PCDHA1: variants seen among roughly 807,000 people sequenced by gnomAD.
PCDHA1 encodes protocadherin alpha 1, also known as protocadherin alpha-1.
Under a neutral mutation model 61.3 loss-of-function variants are expected in PCDHA1, and 42 were observed. That is an observed-to-expected ratio of 0.69 (90% CI 0.54 to 0.89). The LOEUF (loss-of-function observed/expected upper bound fraction) is 0.89. Among genes scored for constraint, PCDHA1 ranks in the 40% least tolerant of loss-of-function variants. PCDHA1 has a pLI of 0.00. For missense variants in PCDHA1, 1,256 were observed against 1,235.3 expected, an observed-to-expected ratio of 1.02 and a Z score of -0.25; for synonymous variants, 610 against 553.8, an observed-to-expected ratio of 1.10 and a Z score of -1.43.
intron 1 of PCDHA1, among the ~76,000 whole-genome samples, chr5:140,847,151 G>C (rs1780878525): frequency 6.7e-6 from 1 of 149,540 alleles, no homozygotes; most frequent in Non-Finnish European, 1.5e-5. Flanking sequence ...AAGATCTCTT[G>C]ATTTCTGAGT....
At chr5:140,881,867 G>A (rs2058853547) in intron 1 of PCDHA1, among the ~76,000 whole-genome samples, 1 of 152,166 alleles carries the variant, frequency 6.6e-6, no homozygotes, top group Non-Finnish European at 1.5e-5. Flanking sequence ...TAAATTTGTG[G>A]CAAAATGAAA....
chr5:140,980,819 A>C (rs1178317133), intron 2 of PCDHA1, among the ~76,000 whole-genome samples: 1 of 152,216 alleles, frequency 6.6e-6, no homozygotes, highest in East Asian at 1.9e-4. Context: ...TGAACATATT[A>C]AATGAGTTGT....
chr5:140,985,739 CTTTTTTT>C (rs11372071), intron 3 of PCDHA1, among the ~76,000 whole-genome samples: 2 of 117,922 alleles, frequency 1.7e-5, no homozygotes, highest in African/African-American at 6.4e-5. Flanking sequence ...TGATGAATTC[CTTTTTTT>C]TTTTTTTTTT....
Position 140,841,862 on chromosome 5 carries a change from G to C in PCDHA1, c.2394+53178G>C, listed in dbSNP as rs145069696. 3.2e-4 allele frequency: 514 copies of C among 1,613,850 alleles called. 1 individual carries two copies. The highest frequency in any genetic ancestry group is 2.6e-3 in the Middle Eastern group (16 of 6,062). On this transcript the variant is annotated intron_variant, in intron 1 of 3. Transcript: ENST00000504120. ...TAGCTCTCATGATTACTTCATGCTA[G>C]ATGTGAATTCAAAGAACGATGAGAA...
chr5:140,855,609 T>C (rs1471221233), intron 1 of PCDHA1, among the ~76,000 whole-genome samples: 1 of 149,748 alleles, frequency 6.7e-6, no homozygotes, highest in African/African-American at 2.5e-5. Flanking sequence ...TATGCAAATA[T>C]TAAGGGCATT....
chr5:140,795,354 G>T, intron 1 of PCDHA1: 3 of 1,614,180 alleles, frequency 1.9e-6, no homozygotes, highest in Non-Finnish European at 2.5e-6. Context: ...ACGACAACCC[G>T]CCAATATTTC....
chr5:140,964,099 C>T (rs2095809950), intron 1 of PCDHA1, among the ~76,000 whole-genome samples: 1 of 152,142 alleles, frequency 6.6e-6, no homozygotes, highest in South Asian at 2.1e-4. Flanking sequence ...TAATTAACAA[C>T]AGTCTGAGCA....
At chr5:140,877,103 C>T (rs782607272) in intron 1 of PCDHA1, 7 of 1,613,552 alleles carry the variant, frequency 4.3e-6, no homozygotes, top group Non-Finnish European at 5.9e-6. Flanking sequence ...GGCGTGCCGC[C>T]TCTGGGCAGC....
rs1210626259 is a variant in PCDHA1 at position 140,824,001 on chromosome 5, C to T, written c.2394+35317C>T. 3 of 1,613,960 alleles carry T rather than the reference C, an allele frequency of 1.9e-6. No homozygotes were observed. The African/African-American group carries it at 4.0e-5, about 22-fold the overall frequency. On this transcript the variant is annotated intron_variant, in intron 1 of 3. Coordinates refer to ENST00000504120, the MANE Select transcript of PCDHA1 (RefSeq NM_018900.4). ...GCAAGCCCACTCTGTTGTGCTCCAGCGCGGTGGGGAGCTGGTCGTACTCGC... is the reference window on the plus strand; with the variant it reads ...GCAAGCCCACTCTGTTGTGCTCCAGTGCGGTGGGGAGCTGGTCGTACTCGC...
chr5:140,918,282 C>G (rs2078612020), intron 1 of PCDHA1, among the ~76,000 whole-genome samples: 1 of 152,016 alleles, frequency 6.6e-6, no homozygotes, highest in Non-Finnish European at 1.5e-5. Flanking sequence ...GATGTAGGAG[C>G]TTTTTGGCAG....
chr5:140,786,631 T>A lies in PCDHA1; in HGVS notation c.341T>A (p.Leu114Gln), dbSNP rs1205958769. 11 of 1,614,144 alleles carry A rather than the reference T, an allele frequency of 6.8e-6. No individual in the cohort carries two copies. The highest frequency in any genetic ancestry group is 8.5e-6 in the Non-Finnish European group (10 of 1,180,062). Residue 114 changes from leucine to glutamine, a missense_variant, in exon 1 of 4, where the codon CTG becomes CAG. Leu to Gln is a moderately radical substitution (Grantham distance 113). Transcript: ENST00000504120. ...CTGGAGTTGATCGCCGACAGGCCGC[T>A]GCAGGTTTTCCATGTGGAGGTGAAG... Reference protein sequence around the residue: ...IHLELIADRPLQVFHVEVKVK... With the variant: ...IHLELIADRPQQVFHVEVKVK...
intron 1 of PCDHA1, chr5:140,855,929 A>T (rs914508327): frequency 1.6e-6 from 2 of 1,278,216 alleles, no homozygotes; most frequent in Non-Finnish European, 2.2e-6. Context: ...AAGTAGCGTC[A>T]TTCTGAGATC....
In PCDHA1 at chr5:140,876,309, T is replaced by G. The variant is rs868927753; in HGVS notation, c.2394+87625T>G. On this transcript the variant is annotated intron_variant, in intron 1 of 3. Transcript: ENST00000504120. ...AAGGACTTAATGGAGAAATTTCCTATGGGATCAAAATGATTTTGCCAGTGA... is the reference window on the plus strand; with the variant it reads ...AAGGACTTAATGGAGAAATTTCCTAGGGGATCAAAATGATTTTGCCAGTGA... The G allele has an allele frequency of 6.2e-6, 10 of 1,614,064 alleles. No homozygotes were observed. The Admixed American group carries it at 1.7e-4, about 27-fold the overall frequency.
intron 1 of PCDHA1, chr5:140,852,273 GT>G (rs2042286951): frequency 2.0e-6 from 1 of 502,736 alleles, no homozygotes; most frequent in South Asian, 8.6e-5. Context: ...AATATTACAT[GT>G]TTTTTGTCTT....
intron 1 of PCDHA1, among the ~76,000 whole-genome samples, chr5:140,872,045 C>G (rs1286579116): frequency 6.6e-6 from 1 of 152,208 alleles, no homozygotes; most frequent in East Asian, 1.9e-4. Flanking sequence ...AAGAATTCTC[C>G]CACTTCAGCC....
At chr5:140,975,130 G>C (rs1445050521) in intron 1 of PCDHA1, among the ~76,000 whole-genome samples, 1 of 152,082 alleles carries the variant, frequency 6.6e-6, no homozygotes, top group Non-Finnish European at 1.5e-5. Flanking sequence ...CTTACTATTG[G>C]CCTGGGGTCA....
intron 1 of PCDHA1, chr5:140,795,422 C>G (rs782485078): frequency 2.5e-6 from 4 of 1,614,046 alleles, no homozygotes; most frequent in Non-Finnish European, 3.4e-6. Context: ...TCTCGGTTTC[C>G]TCTAGAGGGA....
chr5:140,910,924 A>G (rs568597600), intron 1 of PCDHA1, among the ~76,000 whole-genome samples: 2 of 152,260 alleles, frequency 1.3e-5, no homozygotes, highest in South Asian at 4.1e-4. Flanking sequence ...GCTTATATAA[A>G]TAAGAAAGCT....
chr5:140,831,358 T>TTG (rs1379903906), intron 1 of PCDHA1: 4 of 110,904 alleles, frequency 3.6e-5, no homozygotes, highest in Non-Finnish European at 5.7e-5. Flanking sequence ...ATTCACTATT[T>TTG]TGTATGTGTG....
Sources: allele counts gnomAD v4.1 joint callset (sites outside exome capture counted in the v4.1 genomes callset), GRCh38; gene constraint gnomAD v4.1.1; transcripts MANE v1.5; gene names NCBI Gene and HGNC (gene_info 2026-07-23, HGNC 2026-07-21).